Variants in DMD observed in about 807,000 individuals in gnomAD.
DMD encodes the protein dystrophin, also known as mutant dystrophin.
A neutral mutation model predicts 330.1 loss-of-function variants in DMD; 63 were observed. The observed-to-expected ratio is 0.19, with a 90% CI of 0.16 to 0.24. DMD has a LOEUF of 0.24. Ranked by LOEUF, DMD falls within the 10% of genes least tolerant of loss-of-function variation. The pLI is 1.00. For missense variants in DMD, 3,344 were observed against 2,684.1 expected (o/e 1.25, Z -5.43); for synonymous variants, 1,223 against 959.8 (o/e 1.27, Z -5.07).
chrX:32,109,747 G>A (rs1203796979), intron 44 of DMD, among the ~76,000 whole-genome samples: 1 of 111,503 alleles, frequency 9.0e-6, no homozygotes, highest in Admixed American at 9.6e-5. Context: ...AAAGTTTTGT[G>A]TTAAATGCCA....
chrX:33,028,760 A>G (rs930575367), intron 1 of DMD, among the ~76,000 whole-genome samples: 17 of 104,987 alleles, frequency 1.6e-4, no homozygotes, highest in Admixed American at 4.3e-4. Flanking sequence ...TGTGTTACAC[A>G]CATAAATACT....
At chrX:32,590,599 C>G (rs980167577) in intron 13 of DMD, among the ~76,000 whole-genome samples, 1 of 111,759 alleles carries the variant, frequency 8.9e-6, no homozygotes, top group Non-Finnish European at 1.9e-5. Flanking sequence ...TAAGTTTACT[C>G]ACTCTCTTCC....
chrX:31,465,601 A>C (rs1171004799), intron 59 of DMD, among the ~76,000 whole-genome samples: 1 of 111,650 alleles, frequency 9.0e-6, no homozygotes, highest in African/African-American at 3.3e-5. Context: ...TATCCAGTCT[A>C]TCATTGATGA....
At chrX:33,009,524 GTA>G (rs1290563726) in intron 2 of DMD, among the ~76,000 whole-genome samples, 2 of 80,784 alleles carry the variant, frequency 2.5e-5, no homozygotes, top group African/African-American at 5.5e-5. Context: ...ACATATGTGT[GTA>G]TGTGTGTATG....
rs750741330 is a variant in DMD at position 32,400,169 on chromosome X, C to G, written c.4234-9988G>C. On this transcript the variant is annotated intron_variant, in intron 30 of 78. Transcript: ENST00000357033. ...TTTATTGAGAATTTTTAGCATGAAGCGTTGTTGAATTTTGTCAAAGGCTTT... is the reference window on the plus strand; with the variant it reads ...TTTATTGAGAATTTTTAGCATGAAGGGTTGTTGAATTTTGTCAAAGGCTTT... 2.5e-3 allele frequency among the ~76,000 whole-genome samples: 274 copies of G among 111,551 alleles called. 1 individual carries two copies. Among genetic ancestry groups the G allele is most frequent in the African/African-American group, 7.2e-3 (222 of 30,682 alleles).
intron 34 of DMD, among the ~76,000 whole-genome samples, chrX:32,371,738 A>C (rs2097879180): frequency 9.0e-6 from 1 of 111,204 alleles, no homozygotes; most frequent in Non-Finnish European, 1.9e-5. Context: ...CAGTAATGGG[A>C]TGTTCAGATT....
intron 2 of DMD, among the ~76,000 whole-genome samples, chrX:32,955,833 A>C (rs956348017): frequency 2.7e-5 from 3 of 111,852 alleles, no homozygotes; most frequent in Non-Finnish European, 3.8e-5. Flanking sequence ...GCTTTGTTGA[A>C]GATCAGATGG....
intron 7 of DMD, among the ~76,000 whole-genome samples, chrX:32,775,056 G>C (rs771733949): frequency 1.8e-5 from 2 of 112,208 alleles, no homozygotes; most frequent in East Asian, 2.8e-4. Flanking sequence ...CAGGTCCCAC[G>C]CAAGTTTGAA....
chrX:32,836,073 C>A (rs1488176672), intron 4 of DMD, among the ~76,000 whole-genome samples: 5 of 110,131 alleles, frequency 4.5e-5, no homozygotes, highest in Non-Finnish European at 9.5e-5. Context: ...GCTCGATCCC[C>A]CAGACTAGAG....
chrX:33,129,077 C>T (rs1423050929), intron 1 of DMD: 1 of 111,726 alleles, frequency 9.0e-6, no homozygotes, highest in Non-Finnish European at 1.9e-5. Context: ...CTTGAAAAAA[C>T]AGAATTGTGT....
intron 55 of DMD, among the ~76,000 whole-genome samples, chrX:31,599,439 T>C (rs766095702): frequency 1.9e-4 from 21 of 112,336 alleles, no homozygotes; most frequent in African/African-American, 6.1e-4. Flanking sequence ...AGATGCTCAA[T>C]AAATATTTTT....
At chrX:32,219,237 T>A (rs1159701336) in intron 43 of DMD, among the ~76,000 whole-genome samples, 1 of 112,116 alleles carries the variant, frequency 8.9e-6, no homozygotes, top group Non-Finnish European at 1.9e-5. Context: ...TTACTAATAA[T>A]TTAGCATTCA....
chrX:31,308,591 A>G (rs1204385917), intron 62 of DMD, among the ~76,000 whole-genome samples: 1 of 111,427 alleles, frequency 9.0e-6, no homozygotes, highest in African/African-American at 3.3e-5. Flanking sequence ...TTATTTATTT[A>G]TTTCTAGATG....
At position 31,807,581 on chromosome X, in the gene DMD, T is replaced by C. The variant is rs539260145; in HGVS notation, c.7309+12394A>G. Among the ~76,000 whole-genome samples, 4 of 111,634 alleles carry C rather than the reference T, an allele frequency of 3.6e-5. No homozygotes were observed. In the South Asian group the frequency reaches 1.5e-3, roughly 42 times the overall value. ...AGAAAAGAAAAGAAAAGAACGTATA[T>C]ATTTCTTCATATTGAAACCACTTCC... On this transcript the variant is annotated intron_variant, in intron 50 of 78. Coordinates refer to ENST00000357033, the MANE Select transcript of DMD (RefSeq NM_004006.3).
At chrX:31,289,148 G>A (rs188887742) in intron 62 of DMD, among the ~76,000 whole-genome samples, 4 of 105,726 alleles carry the variant, frequency 3.8e-5, no homozygotes, top group Non-Finnish European at 7.8e-5. Context: ...GCATGATGGC[G>A]GGTGCCTGTA....
In DMD at chrX:32,792,826, A is replaced by G. The variant is rs755257975; in HGVS notation, c.649+16667T>C. On this transcript the variant is annotated intron_variant, in intron 7 of 78. Transcript: ENST00000357033. ...CCCAGATATATAAAGCAAGTATTAGATCTAAAGGGAGAGCTAGATGCAAAT... is the reference window on the plus strand; with the variant it reads ...CCCAGATATATAAAGCAAGTATTAGGTCTAAAGGGAGAGCTAGATGCAAAT... 2.0e-3 allele frequency among the ~76,000 whole-genome samples: 223 copies of G among 112,385 alleles called. 1 individual carries two copies. Among genetic ancestry groups the G allele is most frequent in the African/African-American group, 6.6e-3 (206 of 31,016 alleles).
intron 2 of DMD, among the ~76,000 whole-genome samples, chrX:33,012,363 T>G (rs777117712): frequency 2.7e-5 from 3 of 111,438 alleles, no homozygotes; most frequent in Non-Finnish European, 5.7e-5. Flanking sequence ...AAAGTGGTAT[T>G]TTGAATTTCG....
At chrX:32,157,031 T>C (rs757628946) in intron 44 of DMD, among the ~76,000 whole-genome samples, 1 of 112,437 alleles carries the variant, frequency 8.9e-6, no homozygotes, top group African/African-American at 3.2e-5. Context: ...GACATTCTGA[T>C]GTGGCAGGCT....
chrX:31,667,822 TA>T (rs2081517396), intron 53 of DMD, among the ~76,000 whole-genome samples: 1 of 111,303 alleles, frequency 9.0e-6, no homozygotes, highest in Admixed American at 9.6e-5. Context: ...AATTAAAAAT[TA>T]AAAAAATATT....
Sources: allele counts gnomAD v4.1 joint callset (sites outside exome capture counted in the v4.1 genomes callset), GRCh38; gene constraint gnomAD v4.1.1; transcripts MANE v1.5; gene names NCBI Gene and HGNC (gene_info 2026-07-23, HGNC 2026-07-21).